Variants in IL7 observed in about 807,000 individuals in gnomAD.
IL7 encodes the protein interleukin-7.
Under a neutral mutation model 21.6 loss-of-function variants are expected in IL7, and 3 were observed. The ratio of observed to expected loss-of-function variants is 0.14; its 90% CI spans 0.06 to 0.36. The LOEUF is 0.36. IL7 is among the 10% of genes least tolerant of loss of function. The pLI is 1.00. For missense variants in IL7, 175 were observed against 200.2 expected (o/e 0.87, Z 0.76); for synonymous variants, 62 against 68.1 (o/e 0.91, Z 0.44).
intron 3 of IL7, among the ~76,000 whole-genome samples, chr8:78,709,259 G>C (rs1438110314): frequency 2.0e-5 from 3 of 152,118 alleles, no homozygotes; most frequent in African/African-American, 7.2e-5. Flanking sequence ...TTAAAAAATT[G>C]CATTTTGTTT....
In IL7 at chr8:78,733,708, AT is replaced by A; in HGVS notation, c.*4del. On this transcript the variant is annotated 3_prime_UTR_variant, in exon 6 of 6. Coordinates refer to ENST00000263851, the MANE Select transcript of IL7 (RefSeq NM_000880.4). ...TCGTGTTTCTATATTGCCACTCCATATTTTTCAGTGTTCTTTAGTGCCCATC... is the reference window on the plus strand; with the variant it reads ...TCGTGTTTCTATATTGCCACTCCATATTTTCAGTGTTCTTTAGTGCCCATC... The A allele has an allele frequency of 6.3e-7, 1 of 1,597,830 alleles. No individual in the cohort carries two copies. Among genetic ancestry groups the A allele is most frequent in the East Asian group, 2.3e-5 (1 of 43,894 alleles).
rs570052639 is a variant in IL7 at position 78,721,724 on chromosome 8, T to C, written n.268-284A>G. ...GATGAATGCCCTTATGTACTGATGG[T>C]GGAAATATAAATAGATCATACTTTT... On this transcript the variant is annotated intron_variant and non_coding_transcript_variant, in intron 3 of 6. Coordinates refer to the IL7 transcript ENST00000519833. Among the ~76,000 whole-genome samples, 16 of 152,120 alleles carry C rather than the reference T, an allele frequency of 1.1e-4. No homozygotes were observed. In the South Asian group the frequency reaches 3.3e-3, roughly 32 times the overall value.
chr8:78,774,407 AAT>A (rs1208967972), intron 2 of IL7, among the ~76,000 whole-genome samples: 2 of 152,188 alleles, frequency 1.3e-5, no homozygotes, highest in African/African-American at 4.8e-5. Flanking sequence ...ACCAAAATTT[AAT>A]ATCCCAAAAG....
chr8:78,792,118 G>T lies in IL7; in HGVS notation c.147+5954C>A, dbSNP rs182771990. ...TATATCAATGGATTACCATGGAGAG[G>T]TCAGAAATAAACCCATACATTTGAG... On this transcript the variant is annotated intron_variant, in intron 2 of 5. Transcript: ENST00000263851. Among the ~76,000 whole-genome samples the T allele has an allele frequency of 2.5e-3, 382 of 152,184 alleles. 2 individuals are homozygous for T. The highest frequency in any genetic ancestry group is 8.5e-3 in the African/African-American group (355 of 41,536).
At chr8:78,742,287 G>C (rs1051673075) in intron 2 of IL7, among the ~76,000 whole-genome samples, 2 of 152,076 alleles carry the variant, frequency 1.3e-5, no homozygotes, top group Non-Finnish European at 2.9e-5. Context: ...TCACGCCACT[G>C]CACTCCAGCC....
At chr8:78,749,442 G>A (rs1172890888) in intron 2 of IL7, among the ~76,000 whole-genome samples, 6 of 152,010 alleles carry the variant, frequency 3.9e-5, no homozygotes, top group South Asian at 2.1e-4. Flanking sequence ...GAGAAGTGAG[G>A]TCACAGGGCA....
At chr8:78,760,199 G>T in intron 2 of IL7, 1 of 1,566,434 alleles carries the variant, frequency 6.4e-7, no homozygotes, top group Non-Finnish European at 8.6e-7. Flanking sequence ...TACTTGTATA[G>T]AGTTTAATAT....
intron 2 of IL7, among the ~76,000 whole-genome samples, chr8:78,741,484 T>C (rs1811777283): frequency 1.3e-5 from 2 of 152,226 alleles, no homozygotes; most frequent in Non-Finnish European, 2.9e-5. Flanking sequence ...GTAGCTACTC[T>C]ATATGTTATC....
chr8:78,699,713 T>C (rs1810539438), intron 3 of IL7, among the ~76,000 whole-genome samples: 1 of 152,306 alleles, frequency 6.6e-6, no homozygotes, highest in African/African-American at 2.4e-5. Flanking sequence ...AGTGAGAACA[T>C]GCAGTATTTG....
intron 4 of IL7, chr8:78,721,306 A>G (rs1189008574): frequency 2.0e-5 from 3 of 152,126 alleles, no homozygotes; most frequent in Admixed American, 6.6e-5. Flanking sequence ...CCTTGTGCCA[A>G]TGCTTGGGAG....
chr8:78,690,516 T>C (rs1810175325), intron 3 of IL7, among the ~76,000 whole-genome samples: 1 of 150,040 alleles, frequency 6.7e-6, no homozygotes, highest in Non-Finnish European at 1.5e-5. Flanking sequence ...GCCTAGATCA[T>C]GCCACTGCAC....
At chr8:78,720,577 A>G (rs148048957) in intron 5 of IL7, among the ~76,000 whole-genome samples, 1 of 151,956 alleles carries the variant, frequency 6.6e-6, no homozygotes, top group East Asian at 1.9e-4. Flanking sequence ...TCAGCAATAT[A>G]CATATGATTT....
chr8:78,802,761 G>A (rs933196143), intron 1 of IL7, among the ~76,000 whole-genome samples: 7 of 152,008 alleles, frequency 4.6e-5, no homozygotes, highest in African/African-American at 1.7e-4. Flanking sequence ...ATATAGATAT[G>A]GAATTCAAAT....
intron 5 of IL7, 64 bp from the exon 6 acceptor site, chr8:78,733,896 C>G (rs2130659237): frequency 1.8e-6 from 2 of 1,111,836 alleles, no homozygotes; most frequent in South Asian, 3.9e-5. Flanking sequence ...TTTTAAAATA[C>G]TATTTTTCAT....
intron 2 of IL7, among the ~76,000 whole-genome samples, chr8:78,775,886 C>G (rs546009508): frequency 6.6e-6 from 1 of 152,126 alleles, no homozygotes; most frequent in South Asian, 2.1e-4. Flanking sequence ...TCAAACACTT[C>G]CATGCTAAAT....
intron 5 of IL7, among the ~76,000 whole-genome samples, chr8:78,734,747 C>G (rs1007319209): frequency 1.3e-5 from 2 of 152,096 alleles, no homozygotes; most frequent in East Asian, 3.9e-4. Flanking sequence ...TGGGTATTCT[C>G]TCAGTCATAT....
intron 2 of IL7, among the ~76,000 whole-genome samples, chr8:78,751,332 A>T (rs1462424235): frequency 6.6e-6 from 1 of 152,182 alleles, no homozygotes; most frequent in Admixed American, 6.5e-5. Flanking sequence ...AAGCAAAAAG[A>T]GAGAGGAATG....
At chr8:78,680,256 C>T (rs866138028) in intron 4 of IL7, among the ~76,000 whole-genome samples, 22 of 144,456 alleles carry the variant, frequency 1.5e-4, no homozygotes, top group Middle Eastern at 6.9e-3. Context: ...GTCCGCAGTC[C>T]GGCCTGGGCG....
intron 4 of IL7, chr8:78,678,489 A>G (rs886784583): frequency 2.7e-6 from 3 of 1,112,088 alleles, no homozygotes; most frequent in Non-Finnish European, 2.6e-6. Context: ...AACTGGTCTC[A>G]ATGTAAATAA....
Sources: allele counts gnomAD v4.1 joint callset (sites outside exome capture counted in the v4.1 genomes callset), GRCh38; gene constraint gnomAD v4.1.1; transcripts MANE v1.5; gene names NCBI Gene and HGNC (gene_info 2026-07-23, HGNC 2026-07-21).